Variants in KIF7 observed in about 807,000 individuals in gnomAD.
The protein encoded by KIF7 is kinesin family member 7.
A neutral mutation model predicts 135.7 loss-of-function variants in KIF7; 104 were observed. The ratio of observed to expected loss-of-function variants is 0.77; its 90% confidence interval spans 0.65 to 0.90. The LOEUF (loss-of-function observed/expected upper bound fraction) is 0.90. KIF7 is among the 40% of genes least tolerant of loss of function. The pLI, the probability that KIF7 is intolerant of heterozygous loss-of-function variation, is 0.00. For missense variants in KIF7, 2,005 were observed against 1,839.1 expected, an observed-to-expected ratio of 1.09 and a Z score of -1.65; for synonymous variants, 883 against 809.4, an observed-to-expected ratio of 1.09 and a Z score of -1.54.
upstream of KIF7, among the ~76,000 whole-genome samples, chr15:89,658,705 A>C (rs1034262330): frequency 1.3e-5 from 2 of 151,032 alleles, no homozygotes; most frequent in Non-Finnish European, 3.0e-5. Context: ...TCTACAAAAA[A>C]ATGCAAAAAT....
chr15:89,658,159 A>G (rs1377747749), upstream of KIF7, among the ~76,000 whole-genome samples: 1 of 152,218 alleles, frequency 6.6e-6, no homozygotes, highest in Non-Finnish European at 1.5e-5. Flanking sequence ...TTATTTCGAG[A>G]GAAACTCAAG....
At chr15:89,631,906 C>G (rs758114836) in intron 14 of KIF7, among the ~76,000 whole-genome samples, 196 bp from the exon 15 acceptor site, 2 of 152,198 alleles carry the variant, frequency 1.3e-5, no homozygotes, top group Non-Finnish European at 2.9e-5. Context: ...AGAGCATTTG[C>G]AGAGGGGCAC....
chr15:89,635,615 G>T (rs1485894617), intron 11 of KIF7, among the ~76,000 whole-genome samples: 2 of 152,130 alleles, frequency 1.3e-5, no homozygotes. Context: ...AGCGAGAAGG[G>T]AAGTTTAGAG....
intron 11 of KIF7, 146 bp downstream of exon 11, chr15:89,642,057 A>T (rs887960540): frequency 1.2e-6 from 1 of 826,074 alleles, no homozygotes; most frequent in Non-Finnish European, 1.9e-6. Flanking sequence ...CAGCTTCTAT[A>T]CCAGCCTCAC....
chr15:89,623,964 C>G (rs1963466649), downstream of KIF7: 3 of 1,613,968 alleles, frequency 1.9e-6, no homozygotes, highest in Non-Finnish European at 1.7e-6. Context: ...CAGTGAATTC[C>G]AGTCCAGAAA....
At chr15:89,624,936 C>G (rs141037732), downstream of KIF7, 2 of 1,614,118 alleles carry the variant, frequency 1.2e-6, no homozygotes, top group East Asian at 2.2e-5. Flanking sequence ...AACTAGACAA[C>G]CTGCCAGCAT....
rs1963656438 is a variant in KIF7, at chr15:89,630,747, T to G, written c.3112-254A>C. The G allele has an allele frequency of 1.8e-5, 10 of 569,482 alleles. 1 individual carries two copies. The South Asian group carries it at 2.0e-4, about 11-fold the overall frequency. The allele number at this position is 569,482 out of a possible 1,614,324, so 35.3% of individuals were successfully genotyped here. A position where few individuals can be genotyped will look rare whatever the true frequency, so the allele number is the denominator to read the frequency against. On this transcript the variant is annotated intron_variant, in intron 15 of 18. Transcript: ENST00000394412. ...TGTGAATGATCTACATTCAGGAAGT[T>G]CAGAGCACCCTAACCAAACAAAAGG...
chr15:89,640,407 T>G (rs1405559073), intron 11 of KIF7, among the ~76,000 whole-genome samples: 3 of 152,274 alleles, frequency 2.0e-5, no homozygotes, highest in Non-Finnish European at 4.4e-5. Context: ...ATGGTCCTAA[T>G]GAGCCTACAA....
downstream of KIF7, chr15:89,625,351 ATAAT>A (rs1567053899): frequency 2.5e-6 from 4 of 1,613,966 alleles, no homozygotes; most frequent in East Asian, 2.2e-5. Context: ...AACTCCAGAC[ATAAT>A]TAAAGACTGG....
downstream of KIF7, chr15:89,625,280 C>G (rs202141992): frequency 1.2e-6 from 2 of 1,613,922 alleles, no homozygotes; most frequent in African/African-American, 2.7e-5. Flanking sequence ...TCTAGTACCC[C>G]CTCTCCATTT....
intron 16 of KIF7, chr15:89,629,891 G>C (rs1963635007): frequency 1.9e-6 from 1 of 529,228 alleles, no homozygotes; most frequent in Non-Finnish European, 3.4e-6. Flanking sequence ...TCTGGGACCA[G>C]ATAATTCTTG....
At chr15:89,617,934 C>G in intron 2 of KIF7, 1 of 544,118 alleles carries the variant, frequency 1.8e-6, no homozygotes, top group Non-Finnish European at 3.3e-6. Context: ...TCAAGTGATC[C>G]GCCCGCCTTA....
At chr15:89,620,869 C>T (rs1451046303) in intron 1 of KIF7, among the ~76,000 whole-genome samples, 1 of 151,404 alleles carries the variant, frequency 6.6e-6, no homozygotes, top group African/African-American at 2.4e-5. Context: ...ACTACAGGCG[C>T]CCGCCACCAC....
At chr15:89,626,818 G>A (rs1355820506), downstream of KIF7, 7 of 919,772 alleles carry the variant, frequency 7.6e-6, no homozygotes, top group South Asian at 8.2e-5. Context: ...TACCATTTCT[G>A]TAGGATAAGC....
chr15:89,626,405 C>T (rs1022674876), downstream of KIF7, among the ~76,000 whole-genome samples: 3 of 152,226 alleles, frequency 2.0e-5, no homozygotes, highest in African/African-American at 7.2e-5. Context: ...GAGCTAGTTC[C>T]CCACAGCGGG....
Position 89,629,003 on chromosome 15 carries a change from C to G in KIF7, c.3637G>C (p.Gly1213Arg), listed in dbSNP as rs143316368. The G allele has an allele frequency of 3.1e-6, 5 of 1,613,612 alleles. No homozygotes were observed. In the African/African-American group the frequency reaches 4.0e-5, roughly 13 times the overall value. ...INQELKQKLG[G>R]VNAVGHSRGG... ...CTGCTGTGGCCTACAGCGTTCACAC[C>G]GCCGAGCTTCTGTTTCAGTTCCTGG... is the stretch of plus-strand genomic sequence containing the variant. The change falls in exon 18 of 19, where the codon GGT (glycine) becomes CGT (arginine). Residue 1213 changes from glycine to arginine, a missense_variant. Physicochemically the swap from Gly to Arg is moderately radical, Grantham distance 125. Transcript: ENST00000394412.
In KIF7 at chr15:89,630,170, C is replaced by T. The variant is rs545150173; in HGVS notation, c.3318+117G>A. 6.1e-4 allele frequency: 593 copies of T among 971,192 alleles called. 1 individual carries two copies. The highest frequency in any genetic ancestry group is 8.9e-4 in the Non-Finnish European group (564 of 631,970). 60.2% of individuals were successfully genotyped at this position (971,192 alleles called of 1,614,324 possible). ...AGGCGGCCCTGCAGATGAGTTGGTC[C>T]TGATTCTGTCCCCCAGTCTGGGAGG... On this transcript the variant is annotated intron_variant, in intron 16 of 18. Coordinates refer to ENST00000394412, the MANE Select transcript of KIF7 (RefSeq NM_198525.3).
At chr15:89,627,028 C>T, downstream of KIF7, 2 of 1,614,102 alleles carry the variant, frequency 1.2e-6, no homozygotes, top group Non-Finnish European at 8.5e-7. Flanking sequence ...AGGAGGCGCC[C>T]CATCAGCAGA....
At chr15:89,657,702 C>T (rs557585048), upstream of KIF7, among the ~76,000 whole-genome samples, 1 of 152,092 alleles carries the variant, frequency 6.6e-6, no homozygotes, top group Non-Finnish European at 1.5e-5. Context: ...GACAAAAGCC[C>T]CAACTTAAAG....
Sources: gnomAD v4.1 joint callset for allele counts (sites outside exome capture counted in the v4.1 genomes callset) on GRCh38, gnomAD v4.1.1 for gene constraint, MANE v1.5 for transcripts, NCBI Gene and HGNC (gene_info 2026-07-23, HGNC 2026-07-21) for gene names.